THOP1: variants seen among roughly 807,000 people sequenced by gnomAD.
The protein encoded by THOP1 is thimet oligopeptidase 1, also known as thimet oligopeptidase.
A neutral mutation model predicts 71.8 loss-of-function variants in THOP1; 49 were observed. The observed-to-expected ratio is 0.68, with a 90% CI of 0.54 to 0.87. The LOEUF (loss-of-function observed/expected upper bound fraction) is 0.87, where lower values mean the gene tolerates loss of function less well. Ranked by LOEUF, THOP1 falls within the 40% of genes least tolerant of loss-of-function variation. The pLI, the probability that THOP1 is intolerant of heterozygous loss-of-function variation, is 0.00. For synonymous variants in THOP1, 426 were observed against 421.5 expected (o/e 1.01, Z -0.13); for missense variants, 843 against 975.6 (o/e 0.86, Z 1.81).
intron 2 of THOP1, among the ~76,000 whole-genome samples, chr19:2,791,661 G>C (rs1293541269): frequency 1.3e-5 from 2 of 152,194 alleles, no homozygotes; most frequent in African/African-American, 4.8e-5. Flanking sequence ...TCCCGTAGGA[G>C]TCTCATGAGG....
chr19:2,793,162 C>T (rs1358310145), intron 2 of THOP1, among the ~76,000 whole-genome samples: 5 of 151,268 alleles, frequency 3.3e-5, no homozygotes, highest in Admixed American at 2.6e-4. Context: ...GCAACAGCAG[C>T]GAAACTCTGT....
At chr19:2,810,868 C>G (rs536229144) in intron 11 of THOP1, 100 bp downstream of exon 11, 27 of 1,473,328 alleles carry the variant, frequency 1.8e-5, no homozygotes, top group Non-Finnish European at 2.3e-5. Context: ...TTAGCAAGTG[C>G]AGGAGTCCCT....
At chr19:2,800,655 G>A (rs543827026) in intron 5 of THOP1, among the ~76,000 whole-genome samples, 7 of 152,330 alleles carry the variant, frequency 4.6e-5, no homozygotes, top group African/African-American at 9.6e-5. Context: ...CTCGCAGGTC[G>A]GGCACTGCCA....
At chr19:2,785,842 A>G (rs917284485) in intron 1 of THOP1, among the ~76,000 whole-genome samples, 164 bp downstream of exon 1, 1 of 151,814 alleles carries the variant, frequency 6.6e-6, no homozygotes, top group Non-Finnish European at 1.5e-5. Flanking sequence ...TCGTTTGCCG[A>G]ATGAATGAAC....
intron 12 of THOP1, 125 bp from the exon 13 acceptor site, chr19:2,812,990 G>T: frequency 2.5e-6 from 3 of 1,202,028 alleles, no homozygotes; most frequent in Non-Finnish European, 2.3e-6. Flanking sequence ...CGGCCCCCGG[G>T]CCTCCCTGGG....
rs182759760 is a variant in THOP1, at chr19:2,801,172, C to T, written c.589+1381C>T. Among the ~76,000 whole-genome samples the T allele has an allele frequency of 1.4e-3, 209 of 152,182 alleles. No homozygotes were observed. The highest frequency in any genetic ancestry group is 2.6e-3 in the Non-Finnish European group (180 of 68,002). On this transcript the variant is annotated intron_variant, in intron 5 of 12. Transcript: ENST00000307741. The surrounding 1 kb of genome is among the most constrained non-coding windows in gnomAD (Gnocchi z 5.1). ...CCTTGGGCACGCACAGTTATCTGTC[C>T]GTGCCAGCTCGTGGGTCCTGGGTGT...
In THOP1 at chr19:2,804,304, C is replaced by T. The variant is rs1284486921; in HGVS notation, c.590-712C>T. ...TGTGGCTGCCGGGCAGCGGGGTGAACTGTGTCCTGCCAGGGGTTTTGTGGG... is the reference window on the plus strand; with the variant it reads ...TGTGGCTGCCGGGCAGCGGGGTGAATTGTGTCCTGCCAGGGGTTTTGTGGG... On this transcript the variant is annotated intron_variant, in intron 5 of 12. Transcript: ENST00000307741. The surrounding 1 kb of genome is among the most constrained non-coding windows in gnomAD (Gnocchi z 4.7). 1.3e-5 allele frequency among the ~76,000 whole-genome samples: 2 copies of T among 152,174 alleles called. No homozygotes were observed. Among genetic ancestry groups the T allele is most frequent in the African/African-American group, 4.8e-5 (2 of 41,442 alleles).
chr19:2,792,152 C>T (rs1342236306), intron 2 of THOP1, among the ~76,000 whole-genome samples: 2 of 152,200 alleles, frequency 1.3e-5, no homozygotes, highest in Non-Finnish European at 2.9e-5. Flanking sequence ...CCGTAAATCC[C>T]GAGAGGACAG....
chr19:2,798,195 AT>A (rs201601888), intron 4 of THOP1, among the ~76,000 whole-genome samples: 1 of 151,382 alleles, frequency 6.6e-6, no homozygotes, highest in African/African-American at 2.4e-5. Context: ...CAGCTGGCTA[AT>A]TTTTTTTTAT....
Position 2,808,336 on chromosome 19 carries a change from G to A in THOP1, c.1347G>A (p.Val449=), listed in dbSNP as rs1327501728. 6.2e-7 allele frequency: 1 copy of A among 1,604,720 alleles called. No homozygotes were observed. The highest frequency in any genetic ancestry group is 1.7e-5 in the Admixed American group (1 of 59,146). Residue 449 remains valine, a synonymous_variant, in exon 9 of 13, where the codon GTG becomes GTA. Coordinates refer to ENST00000307741, the MANE Select transcript of THOP1 (RefSeq NM_003249.5). ...GCCAGATCGCCATCGCGGCCATGGT[G>A]GCCAACTTCACCAAGCCCACAGCCG... ...GSRQIAIAAM[V]ANFTKPTADA...
intron 1 of THOP1, among the ~76,000 whole-genome samples, chr19:2,788,110 A>C (rs1232753813): frequency 2.6e-5 from 4 of 152,022 alleles, no homozygotes; most frequent in Non-Finnish European, 5.9e-5. Context: ...CCTCTTGAAA[A>C]CTTTCTGGTG....
intron 1 of THOP1, 33 bp from the exon 2 acceptor site, chr19:2,790,388 A>G (rs1305668351): frequency 6.7e-7 from 1 of 1,493,080 alleles, no homozygotes; most frequent in Non-Finnish European, 8.9e-7. Flanking sequence ...CCGAAAGCAG[A>G]CCCGCCCGGC....
chr19:2,787,536 C>G (rs1430244850), intron 1 of THOP1, among the ~76,000 whole-genome samples: 1 of 152,192 alleles, frequency 6.6e-6, no homozygotes, highest in Non-Finnish European at 1.5e-5. Context: ...CTTTACCCCA[C>G]GGTTTAATGT....
At chr19:2,790,301 TG>T in intron 1 of THOP1, 119 bp from the exon 2 acceptor site, 3 of 956,028 alleles carry the variant, frequency 3.1e-6, no homozygotes, top group Non-Finnish European at 4.6e-6. Context: ...ACAAGAGCCC[TG>T]GACCTCACTC....
intron 7 of THOP1, 86 bp from the exon 8 acceptor site, chr19:2,807,356 G>A (rs1255835296): frequency 1.9e-5 from 28 of 1,466,856 alleles, no homozygotes; most frequent in Non-Finnish European, 2.5e-5. Flanking sequence ...TGGGGAGCCT[G>A]ACGAAGTCGC....
intron 8 of THOP1, 191 bp downstream of exon 8, chr19:2,807,999 C>A: frequency 1.2e-6 from 1 of 801,572 alleles, no homozygotes; most frequent in South Asian, 2.0e-5. Context: ...CAGTCTCACT[C>A]AGCCACCCCG....
intron 2 of THOP1, among the ~76,000 whole-genome samples, chr19:2,792,655 GTTTGTTT>G (rs1285865136): frequency 2.9e-4 from 43 of 150,234 alleles, no homozygotes; most frequent in Admixed American, 1.2e-3. Context: ...GTTTTTTTTT[GTTTGTTT>G]TTTGTTTTTT....
chr19:2,794,602 A>T lies in THOP1; in HGVS notation c.230-162A>T, dbSNP rs568456376. Among the ~76,000 whole-genome samples, 13 of 152,146 alleles carry T rather than the reference A, an allele frequency of 8.5e-5. No individual in the cohort carries two copies. In the South Asian group the frequency reaches 2.7e-3, roughly 32 times the overall value. ...CATCCCAGGGCCCAGCCTGGAGGGGACGGTGGCGTGTGCCTCTAGTCCCAG... is the reference window on the plus strand; with the variant it reads ...CATCCCAGGGCCCAGCCTGGAGGGGTCGGTGGCGTGTGCCTCTAGTCCCAG... On this transcript the variant is annotated intron_variant, in intron 2 of 12. Coordinates refer to ENST00000307741, the MANE Select transcript of THOP1 (RefSeq NM_003249.5).
Position 2,807,509 on chromosome 19 carries a change from T to G in THOP1, c.954T>G (p.Arg318=), listed in dbSNP as rs1337973095. 3.7e-6 allele frequency: 6 copies of G among 1,611,640 alleles called. No individual in the cohort carries two copies. The highest frequency in any genetic ancestry group is 8.5e-7 in the Non-Finnish European group (1 of 1,179,750). Residue 318 remains arginine, a synonymous_variant, in exon 8 of 13, where the codon CGT becomes CGG. Coordinates refer to ENST00000307741, the MANE Select transcript of THOP1 (RefSeq NM_003249.5). ...GTGCGGTGATTCTGGAGCTGAAGCG[T>G]GCGGAGTGCGAGCGCCGGGGCCTGC... ...QERAVILELK[R]AECERRGLPF... is the part of the protein sequence containing the mutation.
Sources: gnomAD v4.1 joint callset for allele counts (sites outside exome capture counted in the v4.1 genomes callset) on GRCh38, gnomAD v4.1.1 for gene constraint, Gnocchi (gnomAD v3.1) non-coding constraint, MANE v1.5 for transcripts, NCBI Gene and HGNC (gene_info 2026-07-23, HGNC 2026-07-21) for gene names.